NXNL1: variants seen among roughly 807,000 people sequenced by gnomAD.
NXNL1 encodes the protein nucleoredoxin-like protein 1.
Under a neutral mutation model 7.2 loss-of-function variants are expected in NXNL1, and 6 were observed. The ratio of observed to expected loss-of-function variants is 0.83; its 90% CI spans 0.46 to 1.64. The LOEUF (loss-of-function observed/expected upper bound fraction) is 1.64. Among genes scored for constraint, NXNL1 ranks in the 40% most tolerant of loss-of-function variants. The pLI is 0.01. For missense variants in NXNL1, 308 were observed against 285.1 expected, an observed-to-expected ratio of 1.08 and a Z score of -0.58; for synonymous variants, 133 against 127.2, an observed-to-expected ratio of 1.05 and a Z score of -0.31.
In NXNL1 at chr19:17,455,671, C is replaced by T; in HGVS notation, c.615G>A (p.Glu205=). 2 of 1,079,742 alleles carry T rather than the reference C, an allele frequency of 1.9e-6. No individual in the cohort carries two copies. The highest frequency in any genetic ancestry group is 2.7e-6 in the Non-Finnish European group (2 of 744,340). 66.9% of individuals were successfully genotyped at this position (1,079,742 alleles called of 1,614,324 possible). A position where few individuals can be genotyped will look rare whatever the true frequency, so the allele number is the denominator to read the frequency against. ...GRDPGGGGGE[E]GGAGGLF Reference sequence around the variant, plus strand: ...GTCAGAACAGCCCCCCGGCCCCGCCCTCCTCCCCACCCCCTCCCCCGGGGT... The same window carrying T: ...GTCAGAACAGCCCCCCGGCCCCGCCTTCCTCCCCACCCCCTCCCCCGGGGT... Residue 205 remains glutamate, a synonymous_variant, in exon 2 of 2, where the codon GAG becomes GAA. Transcript: ENST00000301944.
intron 1 of NXNL1, among the ~76,000 whole-genome samples, chr19:17,458,333 C>CCT (rs1243685155): frequency 6.7e-6 from 1 of 150,004 alleles, no homozygotes; most frequent in Non-Finnish European, 1.5e-5. Context: ...CATTCTCTTG[C>CCT]CTCAGCCTCT....
Position 17,455,780 on chromosome 19 carries a change from A to C in NXNL1, c.506T>G (p.Leu169Arg). The change falls in exon 2 of 2, where the codon CTG (leucine) becomes CGG (arginine). Residue 169 changes from leucine to arginine, a missense_variant. Leu to Arg is a moderately radical substitution (Grantham distance 102). Coordinates refer to ENST00000301944, the MANE Select transcript of NXNL1 (RefSeq NM_138454.2). ...GAGGCTCCGTGGCTCCTGGTCCTCC[A>C]GGTCCTCTGGCAGCTGGAAGTTGCG... ...LDRNFQLPED[L>R]EDQEPRSLTE... 1 of 1,546,478 alleles carries C rather than the reference A, an allele frequency of 6.5e-7. No individual in the cohort carries two copies. Among genetic ancestry groups the C allele is most frequent in the East Asian group, 2.4e-5 (1 of 41,276 alleles).
rs2074989170 is a variant in NXNL1, at chr19:17,455,643, C to T, written c.*4G>A. On this transcript the variant is annotated 3_prime_UTR_variant, in exon 2 of 2. Transcript: ENST00000301944. ...ACCCCACTCCTCTCCTCCACCCTAG[C>T]GGGTCAGAACAGCCCCCCGGCCCCG... 4 of 1,357,756 alleles carry T rather than the reference C, an allele frequency of 2.9e-6. 1 individual carries two copies. The Admixed American group carries it at 8.1e-5, about 27-fold the overall frequency. The allele number at this position is 1,357,756 out of a possible 1,614,324, so 84.1% of individuals were successfully genotyped here. A position where few individuals can be genotyped will look rare whatever the true frequency, so the allele number is the denominator to read the frequency against.
Position 17,460,844 on chromosome 19 carries a change from A to G in NXNL1, c.26T>C (p.Ile9Thr). 1 of 1,613,602 alleles carries G rather than the reference A, an allele frequency of 6.2e-7. No homozygotes were observed. Among genetic ancestry groups the G allele is most frequent in the South Asian group, 1.1e-5 (1 of 91,090 alleles). Reference protein sequence around the residue: MASLFSGRILIRNNSDQDE... With the variant: MASLFSGRTLIRNNSDQDE... The stretch of plus-strand genomic sequence containing the variant: ...CTGGTCGCTATTGTTGCGGATCAGG[A>G]TGCGGCCAGAGAACAGGGAGGCCAT... The change falls in exon 1 of 2, where the codon ATC becomes ACC. Residue 9 changes from isoleucine (I) to threonine (T), a missense_variant. Transcript: ENST00000301944.
chr19:17,459,131 T>C (rs1469430600), intron 1 of NXNL1, among the ~76,000 whole-genome samples: 1 of 152,188 alleles, frequency 6.6e-6, no homozygotes, highest in African/African-American at 2.4e-5. Flanking sequence ...GGCTCCCTGC[T>C]ACTCTGAGGA....
Position 17,460,538 on chromosome 19 carries a change from C to T in NXNL1, c.326+6G>A, listed in dbSNP as rs1414342248. On this transcript the variant is annotated splice_donor_region_variant and intron_variant, in intron 1 of 1. Coordinates refer to ENST00000301944, the MANE Select transcript of NXNL1 (RefSeq NM_138454.2). Reference sequence around the variant, plus strand: ...CCTCCAGGAAGCCCTCCCTGCCCCTCCTCACCTCCTCAGATCATCCTCAAA... The same window carrying T: ...CCTCCAGGAAGCCCTCCCTGCCCCTTCTCACCTCCTCAGATCATCCTCAAA... The T allele has an allele frequency of 6.3e-7, 1 of 1,599,724 alleles. No homozygotes were observed. The highest frequency in any genetic ancestry group is 1.3e-5 in the African/African-American group (1 of 74,920).
At position 17,455,539 on chromosome 19, in the gene NXNL1, G is replaced by A. The variant is rs1306126342; in HGVS notation, c.*108C>T. On this transcript the variant is annotated 3_prime_UTR_variant, in exon 2 of 2. Coordinates refer to ENST00000301944, the MANE Select transcript of NXNL1 (RefSeq NM_138454.2). Reference sequence around the variant, plus strand: ...TGATCTCGAACCTCTGGGCTCAAGCGATCCTCCCGCCTTGGCCTCCCCAAG... The same window carrying A: ...TGATCTCGAACCTCTGGGCTCAAGCAATCCTCCCGCCTTGGCCTCCCCAAG... 2 of 678,184 alleles carry A rather than the reference G, an allele frequency of 2.9e-6. No homozygotes were observed. Among genetic ancestry groups the A allele is most frequent in the African/African-American group, 1.8e-5 (1 of 55,248 alleles). The allele number at this position is 678,184 out of a possible 1,614,324, so 42.0% of individuals were successfully genotyped here. A position where few individuals can be genotyped will look rare whatever the true frequency, so the allele number is the denominator to read the frequency against.
At chr19:17,458,564 C>A (rs114131114) in intron 1 of NXNL1, among the ~76,000 whole-genome samples, 1,974 of 147,202 alleles carry the variant, frequency 0.013, 50 homozygotes, top group African/African-American at 0.047. Flanking sequence ...TTGGGCAGCT[C>A]CTTTTGTAAA....
rs999419945 is a variant in NXNL1 at position 17,455,504 on chromosome 19, T to C, written c.*143A>G. The stretch of plus-strand genomic sequence containing the variant: ...TTCGTAGAGTCAGGGTCTCACTCTC[T>C]TGCCCAGGTTGATCTCGAACCTCTG... On this transcript the variant is annotated 3_prime_UTR_variant, in exon 2 of 2. Transcript: ENST00000301944. The C allele has an allele frequency of 2.8e-5, 17 of 611,304 alleles. No homozygotes were observed. In the African/African-American group the frequency reaches 3.0e-4, roughly 11 times the overall value. The allele number at this position is 611,304 out of a possible 1,614,324, so 37.9% of individuals were successfully genotyped here. A position where few individuals can be genotyped will look rare whatever the true frequency, so the allele number is the denominator to read the frequency against.
intron 1 of NXNL1, among the ~76,000 whole-genome samples, chr19:17,458,220 C>CTTTTTTTTTTTT (rs756873224): frequency 8.2e-6 from 1 of 122,182 alleles, no homozygotes; most frequent in African/African-American, 3.1e-5. Context: ...TTCTTTCTTT[C>CTTTTTTTTTTTT]TTTTTTTTTT....
Position 17,455,680 on chromosome 19 carries a change from A to ACCCCCTCCCCC in NXNL1, c.595_605dup (p.Glu205GlyfsTer63). The ACCCCCTCCCCC allele has an allele frequency of 4.8e-6, 2 of 413,170 alleles. No individual in the cohort carries two copies. Among genetic ancestry groups the ACCCCCTCCCCC allele is most frequent in the Non-Finnish European group, 3.4e-6 (1 of 291,038 alleles). The allele number at this position is 413,170 out of a possible 1,614,324, so 25.6% of individuals were successfully genotyped here. A position where few individuals can be genotyped will look rare whatever the true frequency, so the allele number is the denominator to read the frequency against. ...GCCCCCCGGCCCCGCCCTCCTCCCCACCCCCTCCCCCGGGGTCGCGCCCGC... is the reference window on the plus strand; with the variant it reads ...GCCCCCCGGCCCCGCCCTCCTCCCCACCCCCTCCCCCCCCCCTCCCCCGGGGTCGCGCCCGC... On this transcript the variant is annotated frameshift_variant, in exon 2 of 2. Coordinates refer to ENST00000301944, the MANE Select transcript of NXNL1 (RefSeq NM_138454.2). LOFTEE classifies it high-confidence loss of function.
Position 17,460,911 on chromosome 19 carries a change from C to T in NXNL1, c.-42G>A. ...TGCTGGGGACAGCGCGGCGTGTGGTCCCCGGTCTGCTGACTGGCTCCTCTC... is the reference window on the plus strand; with the variant it reads ...TGCTGGGGACAGCGCGGCGTGTGGTTCCCGGTCTGCTGACTGGCTCCTCTC... On this transcript the variant is annotated 5_prime_UTR_variant, in exon 1 of 2. Transcript: ENST00000301944. 1 of 1,586,552 alleles carries T rather than the reference C, an allele frequency of 6.3e-7. No individual in the cohort carries two copies. The highest frequency in any genetic ancestry group is 1.1e-5 in the South Asian group (1 of 90,502).
At chr19:17,458,655 G>A (rs1053520905) in intron 1 of NXNL1, among the ~76,000 whole-genome samples, 8 of 131,902 alleles carry the variant, frequency 6.1e-5, no homozygotes, top group Admixed American at 1.8e-4. Context: ...AGCCTGGAGT[G>A]CAGTGGTGCG....
chr19:17,457,519 G>C (rs936840725), intron 1 of NXNL1, among the ~76,000 whole-genome samples: 1 of 151,722 alleles, frequency 6.6e-6, no homozygotes, highest in Non-Finnish European at 1.5e-5. Context: ...CTACAGGCTC[G>C]TACCACCACA....
Position 17,460,802 on chromosome 19 carries a change from T to A in NXNL1, c.68A>T (p.Glu23Val), listed in dbSNP as rs2075010153. Residue 23 changes from glutamate (E) to valine (V), a missense_variant, in exon 1 of 2, where the codon GAG (glutamate) becomes GTG (valine). Transcript: ENST00000301944. ...CTCCAGCCTGCGACTGACCTCAGCC[T>A]CCGTATCCAGCTCGTCCTGGTCGCT... ...NNSDQDELDT[E>V]AEVSRRLENR... 2 of 1,613,706 alleles carry A rather than the reference T, an allele frequency of 1.2e-6. No individual in the cohort carries two copies. The highest frequency in any genetic ancestry group is 2.7e-5 in the African/African-American group (2 of 74,922).
At chr19:17,457,094 T>TAAAA (rs67507866) in intron 1 of NXNL1, among the ~76,000 whole-genome samples, 35,902 of 141,320 alleles carry the variant, frequency 0.25, 5,659 homozygotes, top group Non-Finnish European at 0.35. Flanking sequence ...CTCCCTCTCT[T>TAAAA]AAAAAAAAAA....
Position 17,455,759 on chromosome 19 carries a change from C to T in NXNL1, c.527G>A (p.Ser176Asn). 1 of 1,361,042 alleles carries T rather than the reference C, an allele frequency of 7.3e-7. No homozygotes were observed. The highest frequency in any genetic ancestry group is 9.6e-7 in the Non-Finnish European group (1 of 1,037,674). 84.3% of individuals were successfully genotyped at this position (1,361,042 alleles called of 1,614,324 possible). Residue 176 changes from serine (S) to asparagine (N), a missense_variant, in exon 2 of 2, where the codon AGC (serine) becomes AAC (asparagine). Ser to Asn is a conservative substitution (Grantham distance 46). Coordinates refer to ENST00000301944, the MANE Select transcript of NXNL1 (RefSeq NM_138454.2). ...GTGGCGGCGCAGGCACTCGGTGAGG[C>T]TCCGTGGCTCCTGGTCCTCCAGGTC... ...PEDLEDQEPR[S>N]LTECLRRHKY...
chr19:17,458,596 A>ATTTTT (rs34265338), intron 1 of NXNL1, among the ~76,000 whole-genome samples: 7 of 87,850 alleles, frequency 8.0e-5, no homozygotes, highest in Non-Finnish European at 1.2e-4. Context: ...GATCTTTTTA[A>ATTTTT]TTTTTTTTTT....
intron 1 of NXNL1, 40 bp from the exon 2 acceptor site, chr19:17,455,999 C>A: frequency 6.3e-7 from 1 of 1,596,146 alleles, no homozygotes; most frequent in South Asian, 1.1e-5. Flanking sequence ...ATCCACATCC[C>A]TGATGCTGAA....
Sources: gnomAD v4.1 joint callset for allele counts (sites outside exome capture counted in the v4.1 genomes callset) on GRCh38, gnomAD v4.1.1 for gene constraint, MANE v1.5 for transcripts, NCBI Gene and HGNC (gene_info 2026-07-23, HGNC 2026-07-21) for gene names.